LRP1B: variants seen among roughly 807,000 people sequenced by gnomAD.
LRP1B encodes the protein LDL receptor related protein 1B.
LRP1B carries 217 observed loss-of-function variants against 556.6 expected under a neutral mutation model. The observed-to-expected ratio is 0.39, with a 90% CI of 0.35 to 0.44. The LOEUF (loss-of-function observed/expected upper bound fraction) is 0.44, where lower values mean the gene tolerates loss of function less well. Ranked by LOEUF, LRP1B falls within the 20% of genes least tolerant of loss-of-function variation. The probability of loss-of-function intolerance (pLI) is 1.00; values close to 1 mark genes in which losing one functional copy is unlikely to be tolerated. For synonymous variants in LRP1B, 2,047 were observed against 1,865.8 expected (o/e 1.10, Z -2.50); for missense variants, 5,053 against 5,620.8 (o/e 0.90, Z 3.23).
At chr2:141,175,990 T>G (rs1375437816) in intron 7 of LRP1B, among the ~76,000 whole-genome samples, 1 of 152,138 alleles carries the variant, frequency 6.6e-6, no homozygotes, top group East Asian at 1.9e-4. Context: ...GGTTTCTAAC[T>G]CGTATGGGGC....
At chr2:141,245,975 A>G (rs1304229582) in intron 5 of LRP1B, among the ~76,000 whole-genome samples, 2 of 152,288 alleles carry the variant, frequency 1.3e-5, no homozygotes, top group East Asian at 3.9e-4. Context: ...ATCAGTACTG[A>G]GTAAATAACA....
At chr2:141,868,890 T>G (rs1698495060) in intron 1 of LRP1B, among the ~76,000 whole-genome samples, 1 of 152,100 alleles carries the variant, frequency 6.6e-6, no homozygotes, top group Admixed American at 6.6e-5. Flanking sequence ...AAGTAATCAC[T>G]GACTGACATA....
intron 2 of LRP1B, among the ~76,000 whole-genome samples, chr2:141,801,421 T>A (rs1025464121): frequency 6.6e-6 from 1 of 152,144 alleles, no homozygotes; most frequent in African/African-American, 2.4e-5. Flanking sequence ...CCTTAAACAC[T>A]GGGATTACAG....
chr2:141,098,938 A>G (rs995811690), intron 7 of LRP1B, among the ~76,000 whole-genome samples: 1 of 152,160 alleles, frequency 6.6e-6, no homozygotes, highest in African/African-American at 2.4e-5. Context: ...ATTACAATTA[A>G]TATTTTTAAT....
chr2:140,852,995 C>A (rs1692507085), intron 27 of LRP1B, among the ~76,000 whole-genome samples: 1 of 152,208 alleles, frequency 6.6e-6, no homozygotes, highest in African/African-American at 2.4e-5. Context: ...GCTTTCAACT[C>A]ATGAGTGGTA....
At position 141,703,009 on chromosome 2, in the gene LRP1B, T is replaced by C. The variant is rs537048307; in HGVS notation, c.205+107270A>G. Among the ~76,000 whole-genome samples, 11 of 152,038 alleles carry C rather than the reference T, an allele frequency of 7.2e-5. 1 individual carries two copies. In the South Asian group the frequency reaches 2.3e-3, roughly 32 times the overall value. On this transcript the variant is annotated intron_variant, in intron 2 of 90. Coordinates refer to ENST00000389484, the MANE Select transcript of LRP1B (RefSeq NM_018557.3). Reference sequence around the variant, plus strand: ...ACCTTGCCATTCTGTGTAATAATTATAGCACAAAAGGAAAGGTTAATCTGA... The same window carrying C: ...ACCTTGCCATTCTGTGTAATAATTACAGCACAAAAGGAAAGGTTAATCTGA...
chr2:140,306,510 T>C (rs111708282), intron 83 of LRP1B, among the ~76,000 whole-genome samples: 53,105 of 151,660 alleles, frequency 0.35, 9,761 homozygotes, highest in Non-Finnish European at 0.42. Flanking sequence ...TCCCCTTTAT[T>C]GTTTTTTATT....
chr2:141,308,315 T>C (rs1034963367), intron 3 of LRP1B, among the ~76,000 whole-genome samples: 8 of 152,174 alleles, frequency 5.3e-5, no homozygotes, highest in Admixed American at 1.3e-4. Context: ...ATGGCATCTT[T>C]TGAGTTCAAA....
At chr2:142,001,506 G>A (rs1292533572) in intron 1 of LRP1B, among the ~76,000 whole-genome samples, 1 of 152,096 alleles carries the variant, frequency 6.6e-6, no homozygotes, top group Non-Finnish European at 1.5e-5. Context: ...GCTACTCAAT[G>A]GACTGATTGC....
At chr2:140,263,806 C>CTTTTT (rs59927620) in intron 86 of LRP1B, among the ~76,000 whole-genome samples, 2 of 145,250 alleles carry the variant, frequency 1.4e-5, no homozygotes, top group African/African-American at 5.1e-5. Flanking sequence ...TAATTGAGGC[C>CTTTTT]TTTTTTTTTT....
intron 2 of LRP1B, among the ~76,000 whole-genome samples, chr2:141,798,414 A>G (rs185164904): frequency 6.6e-6 from 1 of 152,268 alleles, no homozygotes; most frequent in East Asian, 1.9e-4. Flanking sequence ...ACGTCTTAGA[A>G]TATATTTTAA....
At chr2:140,329,657 A>G (rs925498633) in intron 79 of LRP1B, among the ~76,000 whole-genome samples, 3 of 152,056 alleles carry the variant, frequency 2.0e-5, no homozygotes, top group Non-Finnish European at 2.9e-5. Context: ...TGCTACAAAG[A>G]CAATAAAATA....
Position 141,455,433 on chromosome 2 carries a change from C to T in LRP1B, c.343+24963G>A, listed in dbSNP as rs183737661. 6.3e-4 allele frequency among the ~76,000 whole-genome samples: 96 copies of T among 152,136 alleles called. 1 individual carries two copies. In the South Asian group the frequency reaches 0.012, roughly 20 times the overall value. On this transcript the variant is annotated intron_variant, in intron 3 of 90. Transcript: ENST00000389484. Reference sequence around the variant, plus strand: ...CTTCTCAGTGTTCAGTTGAAGTGTCCGAGTCAGGAAAACTCGAGCCTGTGC... The same window carrying T: ...CTTCTCAGTGTTCAGTTGAAGTGTCTGAGTCAGGAAAACTCGAGCCTGTGC...
chr2:140,956,769 G>A (rs774968003), intron 18 of LRP1B, among the ~76,000 whole-genome samples: 1 of 151,670 alleles, frequency 6.6e-6, no homozygotes, highest in Non-Finnish European at 1.5e-5. Flanking sequence ...ACAAGGCTTT[G>A]CGGGCAGGTA....
At chr2:141,234,721 CAG>C (rs1683590017) in intron 5 of LRP1B, among the ~76,000 whole-genome samples, 3 of 151,764 alleles carry the variant, frequency 2.0e-5, no homozygotes, top group Admixed American at 6.6e-5. Flanking sequence ...ATGCAAAAAA[CAG>C]AAAAAGTTAA....
intron 12 of LRP1B, 107 bp from the exon 13 acceptor site, chr2:141,016,022 A>C (rs1697889988): frequency 2.5e-6 from 2 of 810,988 alleles, no homozygotes; most frequent in South Asian, 1.5e-5. Context: ...TTTCATTCTG[A>C]TTTGTCCTCC....
At chr2:141,339,626 C>T (rs979733067) in intron 3 of LRP1B, among the ~76,000 whole-genome samples, 19 of 152,156 alleles carry the variant, frequency 1.2e-4, no homozygotes, top group African/African-American at 4.6e-4. Flanking sequence ...CAAGTCAGCA[C>T]TCCTTGTATA....
chr2:140,774,886 C>T (rs1001452853), intron 33 of LRP1B, among the ~76,000 whole-genome samples: 17 of 151,944 alleles, frequency 1.1e-4, no homozygotes, highest in African/African-American at 3.9e-4. Flanking sequence ...AACAGATAAC[C>T]ATTTGGGTAT....
At chr2:140,658,741 G>C (rs1321063006) in intron 41 of LRP1B, among the ~76,000 whole-genome samples, 1 of 151,778 alleles carries the variant, frequency 6.6e-6, no homozygotes, top group Non-Finnish European at 1.5e-5. Context: ...TTGACCCTTT[G>C]GGGTTCTTTG....
Sources: gnomAD v4.1 joint callset for allele counts (sites outside exome capture counted in the v4.1 genomes callset) on GRCh38, gnomAD v4.1.1 for gene constraint, MANE v1.5 for transcripts, NCBI Gene and HGNC (gene_info 2026-07-23, HGNC 2026-07-21) for gene names.